Variants in TULP4 observed in about 807,000 individuals in gnomAD.
TULP4 encodes the protein TUB like protein 4.
A neutral mutation model predicts 129.0 loss-of-function variants in TULP4; 16 were observed. The observed-to-expected ratio is 0.12, with a 90% CI of 0.08 to 0.19. The LOEUF (loss-of-function observed/expected upper bound fraction) is 0.19. Among genes scored for constraint, TULP4 ranks in the 10% least tolerant of loss-of-function variants. The pLI is 1.00. For synonymous variants in TULP4, 998 were observed against 854.0 expected, an observed-to-expected ratio of 1.17 and a Z score of -2.94; for missense variants, 1,842 against 2,059.1, an observed-to-expected ratio of 0.89 and a Z score of 2.04.
intron 3 of TULP4, among the ~76,000 whole-genome samples, chr6:158,439,568 C>G (rs560375717): frequency 1.3e-5 from 2 of 152,262 alleles, no homozygotes; most frequent in South Asian, 4.1e-4. Flanking sequence ...CCTGATGCAC[C>G]TGGTCTTTTA....
chr6:158,506,498 T>C, intron 13 of TULP4, 80 bp from the exon 14 acceptor site: 1 of 930,020 alleles, frequency 1.1e-6, no homozygotes. Context: ...CCCAAAGTGC[T>C]GGGACTACAG....
intron 6 of TULP4, among the ~76,000 whole-genome samples, chr6:158,477,532 A>G (rs1386199911): frequency 2.0e-5 from 3 of 152,244 alleles, no homozygotes; most frequent in Non-Finnish European, 2.9e-5. Flanking sequence ...ATCATGAACC[A>G]TTAGAGAAAT....
At chr6:158,441,271 C>G (rs974983100) in intron 3 of TULP4, among the ~76,000 whole-genome samples, 13 of 152,108 alleles carry the variant, frequency 8.5e-5, no homozygotes, top group African/African-American at 3.1e-4. Flanking sequence ...CGAGATCACA[C>G]CACTGCACTC....
chr6:158,333,216 G>A (rs1779952671), intron 1 of TULP4, among the ~76,000 whole-genome samples: 1 of 152,204 alleles, frequency 6.6e-6, no homozygotes, highest in African/African-American at 2.4e-5. Context: ...AACCTCCAAT[G>A]TGATGATGTT....
At chr6:158,414,012 C>T (rs1386291244) in intron 2 of TULP4, among the ~76,000 whole-genome samples, 3 of 152,238 alleles carry the variant, frequency 2.0e-5, no homozygotes, top group Non-Finnish European at 2.9e-5. Context: ...ATCCTTCCCT[C>T]GCCCACCTGT....
rs1348389205 is a variant in TULP4 at position 158,503,304 on chromosome 6, C to T, written c.3641C>T (p.Ser1214Phe). 1.2e-6 allele frequency: 2 copies of T among 1,613,900 alleles called. No homozygotes were observed. The highest frequency in any genetic ancestry group is 1.3e-5 in the African/African-American group (1 of 75,010). The change falls in exon 13 of 14, where the codon TCC becomes TTC. Residue 1214 changes from serine to phenylalanine, a missense_variant. By Grantham distance (155) the Ser-to-Phe change is radical. This residue lies in a region of TULP4 where 1,089 missense variants were observed against 987.1 expected (regional missense o/e 1.10). Transcript: ENST00000367097. This position sits in a 1 kb window ranked among gnomAD's most constrained non-coding sequence, Gnocchi z 4.3. Reference protein sequence around the residue: ...QAPCSPKDALSPTQFAQQEPA... With the variant: ...QAPCSPKDALFPTQFAQQEPA... ...CCCTGCTCTCCCAAAGATGCCCTGTCCCCAACGCAGTTTGCACAACAGGAG... is the reference window on the plus strand; with the variant it reads ...CCCTGCTCTCCCAAAGATGCCCTGTTCCCAACGCAGTTTGCACAACAGGAG...
chr6:158,412,972 A>G, intron 1 of TULP4, 93 bp from the exon 2 acceptor site: 7 of 1,488,178 alleles, frequency 4.7e-6, no homozygotes, highest in Non-Finnish European at 6.3e-6. Context: ...TATTGACTGC[A>G]TTCTAATTAG....
At chr6:158,301,293 C>G (rs1036784994) in intron 1 of TULP4, among the ~76,000 whole-genome samples, 9 of 152,154 alleles carry the variant, frequency 5.9e-5, no homozygotes, top group Non-Finnish European at 1.2e-4. Context: ...ACCAGCATTT[C>G]TGTTACTGGA....
At chr6:158,414,722 G>A (rs1778170011) in intron 2 of TULP4, among the ~76,000 whole-genome samples, 1 of 152,188 alleles carries the variant, frequency 6.6e-6, no homozygotes, top group Admixed American at 6.5e-5. Flanking sequence ...CCAGTGATGA[G>A]GTGAGACATA....
rs549542625 is a variant in TULP4, at chr6:158,370,583, AGAGTG to A, written c.253-42479_253-42475del. Among the ~76,000 whole-genome samples, 1,009 of 151,906 alleles carry A rather than the reference AGAGTG, an allele frequency of 6.6e-3. 9 individuals carry two copies. The highest frequency in any genetic ancestry group is 0.022 in the African/African-American group (906 of 41,416). ...AAATACCCAAATTACATAAGTCTTC[AGAGTG>A]GACTTATTCAAACATAATGAAATCT... On this transcript the variant is annotated intron_variant, in intron 1 of 13. Transcript: ENST00000367097.
upstream of TULP4, among the ~76,000 whole-genome samples, chr6:158,279,977 G>A (rs769211205): frequency 8.8e-4 from 134 of 152,318 alleles, 1 homozygote; most frequent in Non-Finnish European, 1.7e-3. Context: ...CACTAACTGC[G>A]TGGATAGACG....
chr6:158,329,415 A>G (rs7767174), intron 1 of TULP4, among the ~76,000 whole-genome samples: 128,626 of 149,480 alleles, frequency 0.86, 55,783 homozygotes, highest in South Asian at 0.93. Context: ...TTCTTTGCTG[A>G]TTAAATTTTT....
upstream of TULP4, among the ~76,000 whole-genome samples, chr6:158,309,875 C>G (rs994335375): frequency 1.9e-5 from 2 of 103,254 alleles, no homozygotes; most frequent in East Asian, 3.7e-4. Context: ...AGAGGGAGAC[C>G]GTGGGAAGAG....
Position 158,451,811 on chromosome 6 carries a change from T to G in TULP4, c.725-323T>G, listed in dbSNP as rs920349858. Among the ~76,000 whole-genome samples the G allele has an allele frequency of 2.0e-5, 3 of 152,262 alleles. No individual in the cohort carries two copies. In the East Asian group the frequency reaches 5.8e-4, roughly 29 times the overall value. ...TGTTGTATGACATTAAAATAATTTA[T>G]GTCTATATGTCATTAGAACCGTGTA... On this transcript the variant is annotated intron_variant, in intron 4 of 13. Coordinates refer to ENST00000367097, the MANE Select transcript of TULP4 (RefSeq NM_020245.5).
At chr6:158,404,167 T>G (rs1049337799) in intron 1 of TULP4, among the ~76,000 whole-genome samples, 39 of 152,214 alleles carry the variant, frequency 2.6e-4, no homozygotes, top group African/African-American at 7.2e-4. Flanking sequence ...TTGGATGTCC[T>G]TGAAGACCAG....
At chr6:158,290,483 T>A (rs1778917824) in intron 1 of TULP4, among the ~76,000 whole-genome samples, 1 of 152,226 alleles carries the variant, frequency 6.6e-6, no homozygotes, top group South Asian at 2.1e-4. Context: ...CTTCGTTGAT[T>A]GTTTCCTTTG....
intron 1 of TULP4, among the ~76,000 whole-genome samples, chr6:158,341,104 T>C (rs1292007175): frequency 6.6e-6 from 1 of 152,176 alleles, no homozygotes; most frequent in East Asian, 1.9e-4. Context: ...CCTTCCCAGC[T>C]TCTGGTAACT....
At chr6:158,454,476 C>T (rs613735) in intron 5 of TULP4, among the ~76,000 whole-genome samples, 63,404 of 151,972 alleles carry the variant, frequency 0.42, 14,526 homozygotes, top group African/African-American at 0.62. Context: ...GAAGGCTGAA[C>T]ATAATATAAT....
chr6:158,406,218 T>A (rs909630697), intron 1 of TULP4, among the ~76,000 whole-genome samples: 1 of 152,180 alleles, frequency 6.6e-6, no homozygotes, highest in Admixed American at 6.5e-5. Flanking sequence ...CTTTGTGACC[T>A]TAGGAAAGCT....
Sources: allele counts gnomAD v4.1 joint callset (sites outside exome capture counted in the v4.1 genomes callset), GRCh38; gene constraint gnomAD v4.1.1; regional missense constraint gnomAD v4.1.1; non-coding constraint Gnocchi (gnomAD v3.1); transcripts MANE v1.5; gene names NCBI Gene and HGNC (gene_info 2026-07-23, HGNC 2026-07-21).